Variants in PLB1 observed in about 807,000 individuals in gnomAD.
PLB1 encodes the protein phospholipase B1, membrane-associated.
In PLB1, 242 loss-of-function variants were observed where a neutral mutation model predicts 227.4. That is an observed-to-expected ratio of 1.06 (90% CI 0.96 to 1.18). The LOEUF is 1.18. PLB1 is among the 50% of genes most tolerant of loss of function. The pLI is 0.00. For synonymous variants in PLB1, 757 were observed against 682.2 expected (o/e 1.11, Z -1.71); for missense variants, 1,858 against 1,816.3 (o/e 1.02, Z -0.42).
At chr2:28,554,326 G>A (rs917414490) in intron 17 of PLB1, among the ~76,000 whole-genome samples, 3 of 151,640 alleles carry the variant, frequency 2.0e-5, no homozygotes, top group African/African-American at 7.3e-5. Flanking sequence ...TATAGAGAGA[G>A]AGAGAGAAAT....
At chr2:28,522,560 A>G (rs1669660294) in intron 4 of PLB1, among the ~76,000 whole-genome samples, 1 of 152,192 alleles carries the variant, frequency 6.6e-6, no homozygotes, top group African/African-American at 2.4e-5. Flanking sequence ...CACACTTGCC[A>G]CAGGACTCTC....
At chr2:28,507,333 G>C (rs904127171) in intron 1 of PLB1, among the ~76,000 whole-genome samples, 11 of 152,164 alleles carry the variant, frequency 7.2e-5, no homozygotes, top group African/African-American at 2.7e-4. Context: ...CATGGTTCTG[G>C]AGGCTGGGAA....
chr2:28,548,420 A>G (rs1673633949), intron 14 of PLB1: 10 of 343,538 alleles, frequency 2.9e-5, no homozygotes, highest in South Asian at 2.2e-4. Context: ...AAGCTGGATA[A>G]CCGGCCCCCA....
chr2:28,636,259 A>G (rs1263490560), intron 56 of PLB1, among the ~76,000 whole-genome samples: 1 of 152,184 alleles, frequency 6.6e-6, no homozygotes, highest in African/African-American at 2.4e-5. Flanking sequence ...AGGTTTCGCC[A>G]TGTTGGCCAG....
At position 28,589,520 on chromosome 2, in the gene PLB1, C is replaced by T. The variant is rs774665073; in HGVS notation, c.1886C>T (p.Pro629Leu). The change falls in exon 27 of 58, where the codon CCG becomes CTG. Residue 629 changes from proline (P) to leucine (L), a missense_variant. By Grantham distance (98) the Pro-to-Leu change is moderately conservative (BLOSUM62 -3). Coordinates refer to ENST00000327757, the MANE Select transcript of PLB1 (RefSeq NM_153021.5). Reference protein sequence around the residue: ...TREDFTVVVQPFFENVDMPKT... With the variant: ...TREDFTVVVQLFFENVDMPKT... ...GAAGATTTTACTGTGGTTGTGCAGC[C>T]GTTCTTTGAAAACGTGGACATGCCA... 63 of 1,614,094 alleles carry T rather than the reference C, an allele frequency of 3.9e-5. No individual in the cohort carries two copies. Among genetic ancestry groups the T allele is most frequent in the Middle Eastern group, 3.3e-4 (2 of 6,062 alleles).
At position 28,640,979 on chromosome 2, in the gene PLB1, C is replaced by A; in HGVS notation, c.4151C>A (p.Ala1384Asp). 1 of 1,613,852 alleles carries A rather than the reference C, an allele frequency of 6.2e-7. No homozygotes were observed. ...TTSNNFTHSR[A>D]KLKCPSPESP... is the part of the protein sequence containing the mutation. Reference sequence around the variant, plus strand: ...TCCAACAACTTCACCCACAGCCGAGCCAAACTCAAGTGCCCCTCTCCTGTG... The same window carrying A: ...TCCAACAACTTCACCCACAGCCGAGACAAACTCAAGTGCCCCTCTCCTGTG... Residue 1384 changes from alanine (A) to aspartate (D), a missense_variant, in exon 57 of 58, where the codon GCC (alanine) becomes GAC (aspartate). Physicochemically the swap from Ala to Asp is moderately radical, Grantham distance 126 (BLOSUM62 -2). Coordinates refer to ENST00000327757, the MANE Select transcript of PLB1 (RefSeq NM_153021.5).
At chr2:28,531,970 A>G (rs1030269229) in intron 8 of PLB1, 138 bp from the exon 9 acceptor site, 6 of 659,282 alleles carry the variant, frequency 9.1e-6, no homozygotes, top group Admixed American at 2.5e-5. Context: ...CTCCTGCCAT[A>G]TACTACTATT....
chr2:28,629,892 T>C (rs1235059842), intron 53 of PLB1, among the ~76,000 whole-genome samples: 1 of 152,164 alleles, frequency 6.6e-6, no homozygotes, highest in Non-Finnish European at 1.5e-5. Flanking sequence ...TGAGTGATTA[T>C]TGCTATGAGA....
At chr2:28,589,418 T>C (rs12468715) in intron 26 of PLB1, 32 bp from the exon 27 acceptor site, 513,828 of 1,534,490 alleles carry the variant, frequency 0.33, 87,923 homozygotes, top group African/African-American at 0.5. Flanking sequence ...CAGAGAGGAC[T>C]GCCTGACATC....
At chr2:28,539,862 C>T (rs531256546) in intron 11 of PLB1, among the ~76,000 whole-genome samples, 1 of 151,744 alleles carries the variant, frequency 6.6e-6, no homozygotes, top group African/African-American at 2.4e-5. Context: ...GAAAGAGCTT[C>T]CCTCTATCCC....
chr2:28,542,539 C>T (rs370337801), intron 13 of PLB1, among the ~76,000 whole-genome samples: 3 of 152,256 alleles, frequency 2.0e-5, no homozygotes, highest in East Asian at 3.9e-4. Context: ...GCATCCGGTG[C>T]TGGGGAAGTG....
intron 9 of PLB1, among the ~76,000 whole-genome samples, chr2:28,534,197 A>AT (rs1671378754): frequency 6.6e-6 from 1 of 152,130 alleles, no homozygotes; most frequent in Non-Finnish European, 1.5e-5. Flanking sequence ...TGCTGTGTAA[A>AT]TTTACTACAT....
chr2:28,632,135 A>G lies in PLB1; in HGVS notation c.3997A>G (p.Asn1333Asp). 6.2e-7 allele frequency: 1 copy of G among 1,612,804 alleles called. No individual in the cohort carries two copies. Among genetic ancestry groups the G allele is most frequent in the Non-Finnish European group, 8.5e-7 (1 of 1,178,886 alleles). Residue 1333 changes from asparagine (N) to aspartate (D), a missense_variant, in exon 55 of 58, where the codon AAC becomes GAC. Physicochemically the swap from Asn to Asp is conservative, Grantham distance 23. Coordinates refer to ENST00000327757, the MANE Select transcript of PLB1 (RefSeq NM_153021.5). ...CTTCCAAAACACACTCACCCCACTG[A>G]ACGAGGTGAGCTGCAGGTATTTTAG... The part of the protein sequence containing the change: ...PFFQNTLTPL[N>D]ERGDTDLTFF...
At chr2:28,499,834 G>A (rs1169931684) in intron 1 of PLB1, among the ~76,000 whole-genome samples, 1 of 152,014 alleles carries the variant, frequency 6.6e-6, no homozygotes, top group Non-Finnish European at 1.5e-5. Context: ...GTAGTAAGCC[G>A]AGATTGCACC....
At chr2:28,606,419 C>A in intron 42 of PLB1, 77 bp from the exon 43 acceptor site, 1 of 1,422,622 alleles carries the variant, frequency 7.0e-7, no homozygotes, top group South Asian at 1.2e-5. Flanking sequence ...TTCCCCACTG[C>A]AGGATTCTGC....
chr2:28,519,848 G>A (rs1200514068), intron 4 of PLB1, 85 bp downstream of exon 4: 6 of 1,028,158 alleles, frequency 5.8e-6, no homozygotes, highest in Middle Eastern at 2.1e-4. Context: ...TGGGCAGAAC[G>A]TTTCATTTTG....
chr2:28,572,732 A>G (rs886371461), intron 20 of PLB1, among the ~76,000 whole-genome samples: 1 of 152,170 alleles, frequency 6.6e-6, no homozygotes, highest in African/African-American at 2.4e-5. Context: ...TAGATCCACG[A>G]TTGCCACAAG....
chr2:28,632,807 A>G (rs2148343101), intron 55 of PLB1, 137 bp from the exon 56 acceptor site: 4 of 651,038 alleles, frequency 6.1e-6, no homozygotes, highest in South Asian at 5.6e-5. Flanking sequence ...GAGTTTTTCC[A>G]TCAGTATCTG....
chr2:28,505,020 G>A (rs1667499886), intron 1 of PLB1, among the ~76,000 whole-genome samples: 1 of 152,234 alleles, frequency 6.6e-6, no homozygotes, highest in African/African-American at 2.4e-5. Context: ...CACTGGGGAT[G>A]TTATCACATT....
Sources: allele counts gnomAD v4.1 joint callset (sites outside exome capture counted in the v4.1 genomes callset), GRCh38; gene constraint gnomAD v4.1.1; transcripts MANE v1.5; gene names NCBI Gene and HGNC (gene_info 2026-07-23, HGNC 2026-07-21).